RAD51B: variants seen among roughly 807,000 people sequenced by gnomAD.
RAD51B encodes the protein DNA repair protein RAD51 homolog 2.
In RAD51B, 38 loss-of-function variants were observed where a neutral mutation model predicts 42.2. That is an observed-to-expected ratio of 0.90 (90% CI 0.70 to 1.18). The LOEUF (loss-of-function observed/expected upper bound fraction) is 1.18. RAD51B is among the 50% of genes most tolerant of loss of function. RAD51B has a pLI of 0.00. For missense variants in RAD51B, 373 were observed against 400.7 expected (o/e 0.93, Z 0.59); for synonymous variants, 154 against 145.2 (o/e 1.06, Z -0.43).
At position 68,086,061 on chromosome 14, in the gene RAD51B, G is replaced by A. The variant is rs972059905; in HGVS notation, c.756+198857G>A. On this transcript the variant is annotated intron_variant, in intron 7 of 10. Coordinates refer to ENST00000471583, the MANE Select transcript of RAD51B (RefSeq NM_133510.4). ...AAGGACAGAGGGCTTTCTGTATCCTGGAGTTCTTGCCTTGGTGTAATGGAA... is the reference window on the plus strand; with the variant it reads ...AAGGACAGAGGGCTTTCTGTATCCTAGAGTTCTTGCCTTGGTGTAATGGAA... Among the ~76,000 whole-genome samples the A allele has an allele frequency of 2.6e-5, 4 of 152,210 alleles. No homozygotes were observed. The East Asian group carries it at 7.7e-4, about 29-fold the overall frequency.
intron 7 of RAD51B, among the ~76,000 whole-genome samples, chr14:68,170,729 G>C (rs1595504668): frequency 6.6e-6 from 1 of 152,062 alleles, no homozygotes; most frequent in East Asian, 1.9e-4. Context: ...CAGCAGAATT[G>C]TTTATTTCAC....
chr14:68,340,785 G>A (rs2082556836), intron 8 of RAD51B, among the ~76,000 whole-genome samples: 1 of 152,166 alleles, frequency 6.6e-6, no homozygotes. Context: ...TGCATATTTG[G>A]GATATCCCAA....
chr14:67,823,384 T>C (rs185741781), intron 1 of RAD51B, 158 bp from the exon 2 acceptor site: 51 of 562,536 alleles, frequency 9.1e-5, no homozygotes, highest in Admixed American at 8.8e-4. Flanking sequence ...TTCTATAGCA[T>C]TCCTTTATCA....
At chr14:67,836,747 G>T (rs1305171930) in intron 4 of RAD51B, among the ~76,000 whole-genome samples, 4 of 152,182 alleles carry the variant, frequency 2.6e-5, no homozygotes, top group African/African-American at 9.7e-5. Context: ...TTACAGGTGT[G>T]AGCCACTACA....
chr14:68,616,903 T>C (rs1891837173), intron 10 of RAD51B, among the ~76,000 whole-genome samples: 1 of 152,112 alleles, frequency 6.6e-6, no homozygotes, highest in Non-Finnish European at 1.5e-5. Context: ...CACTGACCTT[T>C]CATTTCAGAT....
chr14:68,665,771 A>G (rs998195593), intron 11 of RAD51B, among the ~76,000 whole-genome samples: 2 of 152,150 alleles, frequency 1.3e-5, no homozygotes, highest in Non-Finnish European at 2.9e-5. Flanking sequence ...CTCCATCAGC[A>G]CCCGTCCACT....
At chr14:68,523,821 A>G (rs956852938) in intron 10 of RAD51B, among the ~76,000 whole-genome samples, 1 of 152,192 alleles carries the variant, frequency 6.6e-6, no homozygotes, top group African/African-American at 2.4e-5. Flanking sequence ...AAACCTACAT[A>G]TAAGTAGACC....
intron 7 of RAD51B, among the ~76,000 whole-genome samples, chr14:67,893,492 ACACACAC>A (rs2043288878): frequency 3.7e-5 from 3 of 81,194 alleles, no homozygotes; most frequent in African/African-American, 1.9e-4. Context: ...ACACACACAC[ACACACAC>A]ACACACACAC....
At chr14:68,076,704 A>G (rs1157992931) in intron 7 of RAD51B, among the ~76,000 whole-genome samples, 2 of 152,216 alleles carry the variant, frequency 1.3e-5, no homozygotes, top group African/African-American at 4.8e-5. Context: ...TACTTGAAGA[A>G]TATGTATGAT....
chr14:68,468,614 C>T (rs968364746), intron 10 of RAD51B: 6 of 355,014 alleles, frequency 1.7e-5, no homozygotes, highest in African/African-American at 1.3e-4. Flanking sequence ...GGAGCCAGTG[C>T]TGCCCCAGAG....
chr14:68,662,171 G>T (rs1367824436), intron 11 of RAD51B, among the ~76,000 whole-genome samples: 1 of 152,210 alleles, frequency 6.6e-6, no homozygotes, highest in Non-Finnish European at 1.5e-5. Flanking sequence ...TTCAGTTAAT[G>T]TCACCTAAGA....
chr14:67,934,851 A>T (rs972623047), intron 7 of RAD51B, among the ~76,000 whole-genome samples: 5 of 152,198 alleles, frequency 3.3e-5, no homozygotes, highest in African/African-American at 1.2e-4. Context: ...GTAGGATCAG[A>T]TGAGAAACCT....
intron 10 of RAD51B, among the ~76,000 whole-genome samples, chr14:68,525,448 A>G (rs1886862026): frequency 6.6e-6 from 1 of 152,230 alleles, no homozygotes; most frequent in East Asian, 1.9e-4. Context: ...CCCTCAGGTC[A>G]TAGGACCTGG....
intron 7 of RAD51B, among the ~76,000 whole-genome samples, chr14:68,086,119 C>G (rs72725190): frequency 1.3e-5 from 2 of 151,990 alleles, no homozygotes; most frequent in African/African-American, 4.8e-5. Flanking sequence ...GGAGAATGAG[C>G]GCAAGGTTTT....
chr14:68,569,976 A>T (rs1889613856), intron 10 of RAD51B, among the ~76,000 whole-genome samples: 1 of 152,218 alleles, frequency 6.6e-6, no homozygotes, highest in Admixed American at 6.5e-5. Flanking sequence ...GATGTTAAAG[A>T]CAGGTTTCAC....
At chr14:68,108,745 T>C (rs531070509) in intron 7 of RAD51B, among the ~76,000 whole-genome samples, 1 of 152,056 alleles carries the variant, frequency 6.6e-6, no homozygotes, top group South Asian at 2.1e-4. Flanking sequence ...TTATATACTT[T>C]AAAAGGGCGA....
chr14:68,102,785 C>G (rs1185801443), intron 7 of RAD51B, among the ~76,000 whole-genome samples: 1 of 152,152 alleles, frequency 6.6e-6, no homozygotes, highest in Non-Finnish European at 1.5e-5. Context: ...AGCAGCACCC[C>G]ACTCTACTGG....
At position 67,821,769 on chromosome 14, in the gene RAD51B, C is replaced by T. The variant is rs187285988; in HGVS notation, c.-2-1773C>T. Reference sequence around the variant, plus strand: ...GAGCTACCTTGTGTGGCCTATGGTTCTTTTCTTTCTCCTTCTTTTTTTTTT... The same window carrying T: ...GAGCTACCTTGTGTGGCCTATGGTTTTTTTCTTTCTCCTTCTTTTTTTTTT... On this transcript the variant is annotated intron_variant, in intron 1 of 10. Transcript: ENST00000471583. Among the ~76,000 whole-genome samples the T allele has an allele frequency of 2.0e-5, 3 of 152,036 alleles. No individual in the cohort carries two copies. The East Asian group carries it at 5.8e-4, about 29-fold the overall frequency.
At chr14:68,503,398 A>AAC (rs1293575342) in intron 10 of RAD51B, among the ~76,000 whole-genome samples, 2 of 1,086 alleles carry the variant, frequency 1.8e-3, no homozygotes, top group Non-Finnish European at 7.2e-3. Flanking sequence ...AGGGAGGAGA[A>AAC]ACAGCTGAGG....
Sources: allele counts gnomAD v4.1 joint callset (sites outside exome capture counted in the v4.1 genomes callset), GRCh38; gene constraint gnomAD v4.1.1; transcripts MANE v1.5; gene names NCBI Gene and HGNC (gene_info 2026-07-23, HGNC 2026-07-21).